The following PCNX2 variants were observed in gnomAD, a reference collection of about 807,000 sequenced individuals.
The protein encoded by PCNX2 is pecanex-like protein 2.
In PCNX2, 168 loss-of-function variants were observed where a neutral mutation model predicts 223.8. The observed-to-expected ratio is 0.75, with a 90% CI of 0.66 to 0.85. PCNX2 has a LOEUF of 0.85. PCNX2 is among the 40% of genes least tolerant of loss of function. The pLI is 0.00. For missense variants in PCNX2, 2,507 were observed against 2,675.5 expected, an observed-to-expected ratio of 0.94 and a Z score of 1.39; for synonymous variants, 1,006 against 1,052.6, an observed-to-expected ratio of 0.96 and a Z score of 0.86.
chr1:233,014,523 A>G, intron 28 of PCNX2, 142 bp downstream of exon 28: 1 of 656,646 alleles, frequency 1.5e-6, no homozygotes, highest in East Asian at 2.8e-5. Context: ...TGTAGGCCCA[A>G]TATAATTTAT....
rs767338592 is a variant in PCNX2 at position 233,094,495 on chromosome 1, T to C, written c.3946+1260A>G. On this transcript the variant is annotated intron_variant, in intron 22 of 33. Coordinates refer to ENST00000258229, the MANE Select transcript of PCNX2 (RefSeq NM_014801.4). ...CCTTGAAACACTTTAGAAATATCAATGCACATCTAAGAATAGCAACATAGA... is the reference window on the plus strand; with the variant it reads ...CCTTGAAACACTTTAGAAATATCAACGCACATCTAAGAATAGCAACATAGA... Among the ~76,000 whole-genome samples, 119 of 152,216 alleles carry C rather than the reference T, an allele frequency of 7.8e-4. 1 individual carries two copies. Among genetic ancestry groups the C allele is most frequent in the Non-Finnish European group, 3.1e-4 (21 of 68,042 alleles).
chr1:233,107,068 T>G (rs1011795825), intron 21 of PCNX2, among the ~76,000 whole-genome samples: 2 of 152,268 alleles, frequency 1.3e-5, no homozygotes, highest in East Asian at 3.9e-4. Context: ...TTACACAAAG[T>G]GTACAGTGAA....
intron 9 of PCNX2, among the ~76,000 whole-genome samples, chr1:233,229,184 T>A (rs1284375515): frequency 6.6e-6 from 1 of 152,204 alleles, no homozygotes; most frequent in Non-Finnish European, 1.5e-5. Context: ...TTACCATCTC[T>A]CCATTTCCAG....
intron 19 of PCNX2, 42 bp downstream of exon 19, chr1:233,160,241 C>T (rs757229175): frequency 1.3e-6 from 2 of 1,530,218 alleles, no homozygotes; most frequent in South Asian, 1.1e-5. Flanking sequence ...GTATACCTAC[C>T]CCTCCTTTTT....
rs1471016554 is a variant in PCNX2, at chr1:233,258,577, G to A, written c.1285C>T (p.Pro429Ser). The A allele has an allele frequency of 1.2e-6, 2 of 1,613,960 alleles. No homozygotes were observed. The highest frequency in any genetic ancestry group is 1.1e-5 in the South Asian group (1 of 91,084). ...GSPNAEQISI[P>S]VITLDLPEGG... Reference sequence around the variant, plus strand: ...TCAGGCAGGTCCAGGGTGATTACAGGAATTGAGATCTGCTCGGCATTTGGA... The same window carrying A: ...TCAGGCAGGTCCAGGGTGATTACAGAAATTGAGATCTGCTCGGCATTTGGA... Residue 429 changes from proline to serine, a missense_variant, in exon 5 of 34, where the codon CCT becomes TCT. Coordinates refer to ENST00000258229, the MANE Select transcript of PCNX2 (RefSeq NM_014801.4).
intron 23 of PCNX2, among the ~76,000 whole-genome samples, chr1:233,083,890 C>T (rs1040064169): frequency 2.0e-5 from 3 of 151,994 alleles, no homozygotes; most frequent in African/African-American, 4.8e-5. Flanking sequence ...TGGCCTTCTG[C>T]GGTTTCAGAA....
Position 233,142,338 on chromosome 1 carries a change from C to T in PCNX2, c.3518-2483G>A, listed in dbSNP as rs766636187. Among the ~76,000 whole-genome samples, 54 of 152,144 alleles carry T rather than the reference C, an allele frequency of 3.5e-4. 1 individual carries two copies. Among genetic ancestry groups the T allele is most frequent in the Non-Finnish European group, 6.8e-4 (46 of 68,022 alleles). On this transcript the variant is annotated intron_variant, in intron 19 of 33. Transcript: ENST00000258229. ...AGCAACTGTCTTTGACCTCCACTTTCGGGAGAAAATAAAGTCTATGAGGTA... is the reference window on the plus strand; with the variant it reads ...AGCAACTGTCTTTGACCTCCACTTTTGGGAGAAAATAAAGTCTATGAGGTA...
chr1:233,279,095 T>C (rs1292278920), intron 1 of PCNX2, among the ~76,000 whole-genome samples: 2 of 152,234 alleles, frequency 1.3e-5, no homozygotes, highest in Non-Finnish European at 2.9e-5. Context: ...ATTCAGAGAC[T>C]AAAATCTGAG....
chr1:233,130,317 C>T (rs1009147105), intron 21 of PCNX2, among the ~76,000 whole-genome samples: 3 of 152,068 alleles, frequency 2.0e-5, no homozygotes, highest in Non-Finnish European at 4.4e-5. Flanking sequence ...AACCCCCCCA[C>T]CCACAAACAC....
chr1:233,224,911 G>T (rs1283873281), intron 10 of PCNX2, among the ~76,000 whole-genome samples: 1 of 151,830 alleles, frequency 6.6e-6, no homozygotes. Context: ...AGAACATATA[G>T]ACACAGGGAG....
At position 233,054,417 on chromosome 1, in the gene PCNX2, A is replaced by G; in HGVS notation, c.4202T>C (p.Leu1401Pro). 1 of 1,613,892 alleles carries G rather than the reference A, an allele frequency of 6.2e-7. No individual in the cohort carries two copies. Among genetic ancestry groups the G allele is most frequent in the Non-Finnish European group, 8.5e-7 (1 of 1,179,800 alleles). ...ACGTCCAAGAACTAAGTCTCCACAG[A>G]GGGACTCCTGGAGGGTCCTTGTCAA... The part of the protein sequence containing the change: ...EHLTRTLQES[L>P]CGDLVLGRWG... Residue 1401 changes from leucine (L) to proline (P), a missense_variant, in exon 25 of 34, where the codon CTC becomes CCC. Leu to Pro is a moderately conservative substitution (Grantham distance 98, BLOSUM62 -3). Around this residue, in one of 3 missense-constraint regions of PCNX2, gnomAD observed 1,372 missense variants for 1,509.4 expected, o/e 0.91. Coordinates refer to ENST00000258229, the MANE Select transcript of PCNX2 (RefSeq NM_014801.4).
intron 21 of PCNX2, among the ~76,000 whole-genome samples, chr1:233,122,102 A>T (rs975631446): frequency 1.1e-4 from 16 of 148,556 alleles, no homozygotes; most frequent in Non-Finnish European, 2.3e-4. Flanking sequence ...ACACACACAC[A>T]CACACAGAGG....
chr1:233,318,822 A>G, the PCNX2 span, among the ~76,000 whole-genome samples: 1 of 151,952 alleles, frequency 6.6e-6, no homozygotes, highest in Non-Finnish European at 1.5e-5. Context: ...TGTCCACCTC[A>G]GCCTCCCAAA....
intron 28 of PCNX2, among the ~76,000 whole-genome samples, chr1:233,004,625 A>G (rs1425018453): frequency 1.3e-5 from 2 of 152,216 alleles, no homozygotes; most frequent in Non-Finnish European, 2.9e-5. Context: ...ATGTGTGTGA[A>G]GGGAGTCTCT....
At chr1:233,070,077 A>G (rs1672786063) in intron 23 of PCNX2, among the ~76,000 whole-genome samples, 1 of 152,182 alleles carries the variant, frequency 6.6e-6, no homozygotes, top group Admixed American at 6.5e-5. Context: ...GAATATTACA[A>G]ATAATTTTAC....
chr1:233,047,566 A>T (rs568769397), intron 25 of PCNX2: 1 of 185,328 alleles, frequency 5.4e-6, no homozygotes, highest in African/African-American at 2.4e-5. Flanking sequence ...TTCTTATATC[A>T]GATAAAACAG....
At position 233,016,683 on chromosome 1, in the gene PCNX2, G is replaced by A. The variant is rs1249175694; in HGVS notation, c.4839+238C>T. ...TATAATAGAGGCTTAAAACTTCGCT[G>A]GCCCTGAGCACTGCATAAAGGGATC... is the stretch of plus-strand genomic sequence containing the variant. On this transcript the variant is annotated intron_variant, in intron 27 of 33. Coordinates refer to ENST00000258229, the MANE Select transcript of PCNX2 (RefSeq NM_014801.4). 1.2e-5 allele frequency: 9 copies of A among 781,932 alleles called. 1 individual carries two copies. The South Asian group carries it at 4.1e-4, about 35-fold the overall frequency. The allele number at this position is 781,932 out of a possible 1,614,324, so 48.4% of individuals were successfully genotyped here.
chr1:233,084,222 G>A (rs753812960), intron 23 of PCNX2, among the ~76,000 whole-genome samples: 3 of 152,142 alleles, frequency 2.0e-5, no homozygotes, highest in Middle Eastern at 6.3e-3. Flanking sequence ...AAAGCACAAA[G>A]CCTGTGCTTT....
intron 17 of PCNX2, among the ~76,000 whole-genome samples, chr1:233,177,189 T>C (rs1367194734): frequency 6.6e-6 from 1 of 152,230 alleles, no homozygotes; most frequent in Non-Finnish European, 1.5e-5. Context: ...GAAATCAATG[T>C]ACTTTATGTT....
Sources: allele counts gnomAD v4.1 joint callset (sites outside exome capture counted in the v4.1 genomes callset), GRCh38; gene constraint gnomAD v4.1.1; regional missense constraint gnomAD v4.1.1; transcripts MANE v1.5; gene names NCBI Gene and HGNC (gene_info 2026-07-23, HGNC 2026-07-21).